The following PPARG variants were observed in gnomAD, a reference collection of about 807,000 sequenced individuals.
The protein encoded by PPARG is peroxisome proliferator activated receptor gamma.
A neutral mutation model predicts 39.2 loss-of-function variants in PPARG; 17 were observed. The ratio of observed to expected loss-of-function variants is 0.43; its 90% CI spans 0.30 to 0.65. The LOEUF (loss-of-function observed/expected upper bound fraction) is 0.65. Among genes scored for constraint, PPARG ranks in the 30% least tolerant of loss-of-function variants. The probability of loss-of-function intolerance (pLI) is 0.13; values close to 1 mark genes in which losing one functional copy is unlikely to be tolerated. For synonymous variants in PPARG, 223 were observed against 215.7 expected, an observed-to-expected ratio of 1.03 and a Z score of -0.30; for missense variants, 406 against 585.9, an observed-to-expected ratio of 0.69 and a Z score of 3.17.
intron 7 of PPARG, among the ~76,000 whole-genome samples, chr3:12,433,058 A>G (rs978180239): frequency 9.9e-5 from 15 of 152,270 alleles, no homozygotes; most frequent in African/African-American, 3.6e-4. Flanking sequence ...ATGTATCAGT[A>G]TTTTAAAACT....
intron 5 of PPARG, chr3:12,399,242 AC>A: frequency 2.5e-6 from 1 of 403,432 alleles, no homozygotes; most frequent in Admixed American, 3.1e-5. Flanking sequence ...TTTGAAAGAA[AC>A]CTAAGAAAAT....
chr3:12,343,859 G>T (rs1456034722), intron 2 of PPARG, among the ~76,000 whole-genome samples: 1 of 101,808 alleles, frequency 9.8e-6, no homozygotes, highest in East Asian at 2.3e-4. Flanking sequence ...CAATCTCACC[G>T]AATTTTTTTT....
chr3:12,387,522 T>C (rs1196985363), intron 4 of PPARG, among the ~76,000 whole-genome samples: 2 of 152,236 alleles, frequency 1.3e-5, no homozygotes. Context: ...ATGTCTTCTT[T>C]TGAGAAGTGT....
Position 12,405,973 on chromosome 3 carries a change from T to G in PPARG, c.621T>G (p.Ala207=). The G allele has an allele frequency of 6.2e-7, 1 of 1,614,202 alleles. No individual in the cohort carries two copies. The highest frequency in any genetic ancestry group is 8.5e-7 in the Non-Finnish European group (1 of 1,180,028). ...SDIDQLNPES[A]DLRALAKHLY... ...TCGACCAGCTGAATCCAGAGTCCGC[T>G]GACCTCCGGGCCCTGGCAAAACATT... Residue 207 remains alanine, a synonymous_variant, in exon 6 of 8, where the codon GCT becomes GCG. Coordinates refer to ENST00000651735, the MANE Select transcript of PPARG (RefSeq NM_138711.6).
chr3:12,374,585 C>T (rs191614054), intron 2 of PPARG, among the ~76,000 whole-genome samples: 351 of 151,948 alleles, frequency 2.3e-3, no homozygotes, highest in Admixed American at 6.2e-3. Flanking sequence ...GGTGACAGAG[C>T]GAGACTCCAC....
chr3:12,323,918 G>T (rs2047617585), intron 2 of PPARG, among the ~76,000 whole-genome samples: 1 of 152,174 alleles, frequency 6.6e-6, no homozygotes, highest in Non-Finnish European at 1.5e-5. Context: ...CAGCGAGTAG[G>T]ACAGTTCTCT....
intron 2 of PPARG, among the ~76,000 whole-genome samples, chr3:12,337,651 G>A (rs1387947929): frequency 6.6e-6 from 1 of 152,194 alleles, no homozygotes; most frequent in Admixed American, 6.5e-5. Context: ...TGGCGGAGCT[G>A]AAAGTCGAGC....
chr3:12,341,976 G>T (rs904185589), intron 2 of PPARG, among the ~76,000 whole-genome samples: 4 of 152,174 alleles, frequency 2.6e-5, no homozygotes, highest in African/African-American at 9.7e-5. Context: ...AAGTAACATT[G>T]CACTGATGAC....
intron 1 of PPARG, among the ~76,000 whole-genome samples, chr3:12,307,625 CTG>C (rs2047109185): frequency 1.3e-5 from 2 of 152,082 alleles, no homozygotes; most frequent in South Asian, 2.1e-4. Flanking sequence ...GGAATAAAGA[CTG>C]TGTGTAGGTA....
At chr3:12,293,845 A>G (rs374166909) in intron 1 of PPARG, among the ~76,000 whole-genome samples, 2 of 152,236 alleles carry the variant, frequency 1.3e-5, no homozygotes, top group Non-Finnish European at 2.9e-5. Context: ...GAGTGCAATG[A>G]TGAAGTTCCG....
intron 5 of PPARG, among the ~76,000 whole-genome samples, chr3:12,397,000 T>A (rs2050286531): frequency 6.6e-6 from 1 of 152,174 alleles, no homozygotes; most frequent in Non-Finnish European, 1.5e-5. Context: ...CTGACCTATT[T>A]AAGAAAATAA....
chr3:12,332,466 C>G (rs1367913955), intron 2 of PPARG, among the ~76,000 whole-genome samples: 1 of 152,170 alleles, frequency 6.6e-6, no homozygotes, highest in Non-Finnish European at 1.5e-5. Flanking sequence ...TCTCCCTTAG[C>G]ATTTGCCCAT....
chr3:12,344,229 G>A (rs1288693087), intron 2 of PPARG, among the ~76,000 whole-genome samples: 1 of 152,160 alleles, frequency 6.6e-6, no homozygotes, highest in African/African-American at 2.4e-5. Context: ...GCCCCTGACA[G>A]CGTAGGCACT....
intron 7 of PPARG, among the ~76,000 whole-genome samples, chr3:12,431,151 T>C (rs2051647138): frequency 6.6e-6 from 1 of 152,072 alleles, no homozygotes; most frequent in African/African-American, 2.4e-5. Flanking sequence ...TGAGAAAACC[T>C]TATAATCTAA....
rs4135327 is a variant in PPARG, at chr3:12,388,484, G to A, written c.391-4130G>A. On this transcript the variant is annotated intron_variant, in intron 4 of 7. Coordinates refer to ENST00000651735, the MANE Select transcript of PPARG (RefSeq NM_138711.6). ...AGCAATAAGTGAGAAGGAGCTAAGTGTAGGGCTTCTGAATTAAGCCAGGAT... is the reference window on the plus strand; with the variant it reads ...AGCAATAAGTGAGAAGGAGCTAAGTATAGGGCTTCTGAATTAAGCCAGGAT... 3.9e-3 allele frequency among the ~76,000 whole-genome samples: 592 copies of A among 152,314 alleles called. 4 individuals carry two copies. Among genetic ancestry groups the A allele is most frequent in the Middle Eastern group, 0.024 (7 of 294 alleles).
chr3:12,355,493 C>T (rs1203680144), intron 2 of PPARG, among the ~76,000 whole-genome samples: 1 of 152,126 alleles, frequency 6.6e-6, no homozygotes, highest in East Asian at 1.9e-4. Context: ...TTGAATATTA[C>T]TCTTGTCCAT....
chr3:12,434,090 A>G lies in PPARG; in HGVS notation c.1373A>G (p.Glu458Gly), dbSNP rs747703645. 1 of 1,614,090 alleles carries G rather than the reference A, an allele frequency of 6.2e-7. No homozygotes were observed. The highest frequency in any genetic ancestry group is 8.5e-7 in the Non-Finnish European group (1 of 1,180,036). The part of the protein sequence containing the change: ...VQLLQVIKKT[E>G]TDMSLHPLLQ... ...CTACTGCAGGTGATCAAGAAGACGG[A>G]GACAGACATGAGTCTTCACCCGCTC... The change falls in exon 8 of 8, where the codon GAG becomes GGG. Residue 458 changes from glutamate (E) to glycine (G), a missense_variant. Around this residue, in one of 2 missense-constraint regions of PPARG, gnomAD observed 275 missense variants for 458.0 expected, o/e 0.60. Coordinates refer to ENST00000651735, the MANE Select transcript of PPARG (RefSeq NM_138711.6). The surrounding 1 kb of genome is among the most constrained non-coding windows in gnomAD (Gnocchi z 4.2).
chr3:12,408,930 A>G (rs1343490232), intron 6 of PPARG, among the ~76,000 whole-genome samples: 1 of 152,192 alleles, frequency 6.6e-6, no homozygotes, highest in Non-Finnish European at 1.5e-5. Flanking sequence ...CACCCTCAAG[A>G]TACCTCACTC....
chr3:12,328,344 A>G, intron 2 of PPARG: 1 of 773,374 alleles, frequency 1.3e-6, no homozygotes, highest in Non-Finnish European at 2.2e-6. Context: ...GAGTCTCTGC[A>G]GGGAAACAGC....
Sources: gnomAD v4.1 joint callset for allele counts (sites outside exome capture counted in the v4.1 genomes callset) on GRCh38, gnomAD v4.1.1 for gene constraint, gnomAD v4.1.1 regional missense constraint, Gnocchi (gnomAD v3.1) non-coding constraint, MANE v1.5 for transcripts, NCBI Gene and HGNC (gene_info 2026-07-23, HGNC 2026-07-21) for gene names.